GPATCH8: variants seen among roughly 807,000 people sequenced by gnomAD.
The protein encoded by GPATCH8 is G patch domain-containing protein 8.
A neutral mutation model predicts 118.3 loss-of-function variants in GPATCH8; 18 were observed. The observed-to-expected ratio is 0.15, with a 90% CI of 0.11 to 0.23. The LOEUF is 0.23. GPATCH8 is among the 10% of genes least tolerant of loss of function. GPATCH8 has a pLI of 1.00. For synonymous variants in GPATCH8, 659 were observed against 684.7 expected, an observed-to-expected ratio of 0.96 and a Z score of 0.59; for missense variants, 1,631 against 1,873.8, an observed-to-expected ratio of 0.87 and a Z score of 2.39.
intron 3 of GPATCH8, among the ~76,000 whole-genome samples, chr17:44,444,649 T>C (rs2050811598): frequency 6.6e-6 from 1 of 152,270 alleles, no homozygotes; most frequent in Non-Finnish European, 1.5e-5. Context: ...GGCATGTTCC[T>C]GTAATCCCAG....
intron 1 of GPATCH8, among the ~76,000 whole-genome samples, chr17:44,493,807 G>A (rs1471904952): frequency 6.6e-6 from 1 of 152,150 alleles, no homozygotes; most frequent in Non-Finnish European, 1.5e-5. Flanking sequence ...ATTTATCTGG[G>A]CCTCAGTTTC....
At chr17:44,446,864 T>C (rs2050903152) in intron 3 of GPATCH8, among the ~76,000 whole-genome samples, 1 of 152,058 alleles carries the variant, frequency 6.6e-6, no homozygotes, top group East Asian at 1.9e-4. Flanking sequence ...AGACTGAGTC[T>C]CACTCTGTCA....
At position 44,424,499 on chromosome 17, in the gene GPATCH8, G is replaced by T; in HGVS notation, c.349-7C>A. The T allele has an allele frequency of 6.2e-7, 1 of 1,601,460 alleles. No homozygotes were observed. Among genetic ancestry groups the T allele is most frequent in the Non-Finnish European group, 8.6e-7 (1 of 1,168,948 alleles). ...TCTCTTTGTCAACATAATCCTTCAA[G>T]ACCCATGAAATACAAAGAAACAAAA... On this transcript the variant is annotated splice_region_variant and splice_polypyrimidine_tract_variant and intron_variant, in intron 5 of 7. Coordinates refer to ENST00000591680, the MANE Select transcript of GPATCH8 (RefSeq NM_001002909.4).
At chr17:44,435,512 C>G (rs1274114597) in intron 4 of GPATCH8, among the ~76,000 whole-genome samples, 4 of 141,826 alleles carry the variant, frequency 2.8e-5, no homozygotes, top group Non-Finnish European at 4.5e-5. Flanking sequence ...CTCCCGAGTT[C>G]AAGTGATTCT....
chr17:44,401,468 A>C lies in GPATCH8; in HGVS notation c.624-15T>G. 2 of 1,557,880 alleles carry C rather than the reference A, an allele frequency of 1.3e-6. No homozygotes were observed. Among genetic ancestry groups the C allele is most frequent in the Non-Finnish European group, 1.8e-6 (2 of 1,128,510 alleles). On this transcript the variant is annotated splice_polypyrimidine_tract_variant and intron_variant, in intron 7 of 7. Transcript: ENST00000591680. ...TTCCAGGTGCACTACATGATGATTT[A>C]GAAAAATAAAAAACAAAAAGCAGGT... is the stretch of plus-strand genomic sequence containing the variant.
In GPATCH8 at chr17:44,398,739, T is replaced by C. The variant is rs532212633; in HGVS notation, c.3338A>G (p.Gln1113Arg). Residue 1113 changes from glutamine to arginine, a missense_variant, in exon 8 of 8, where the codon CAG becomes CGG. Coordinates refer to ENST00000591680, the MANE Select transcript of GPATCH8 (RefSeq NM_001002909.4). ...ERKPSVSEEV[Q>R]ATPNKAGPKL... ...GGGCCCAGCTTTATTAGGGGTGGCC[T>C]GCACCTCCTCACTCACACTAGGTTT... is the stretch of plus-strand genomic sequence containing the variant. 8.1e-6 allele frequency: 13 copies of C among 1,612,664 alleles called. No individual in the cohort carries two copies. Among genetic ancestry groups the C allele is most frequent in the Non-Finnish European group, 1.1e-5 (13 of 1,178,860 alleles).
chr17:44,454,689 CTG>C, intron 3 of GPATCH8, among the ~76,000 whole-genome samples: 1 of 152,270 alleles, frequency 6.6e-6, no homozygotes, highest in Non-Finnish European at 1.5e-5. Context: ...TCCCACAGTG[CTG>C]GGACTGCAGG....
intron 6 of GPATCH8, among the ~76,000 whole-genome samples, chr17:44,421,625 A>G (rs1475957152): frequency 6.6e-6 from 1 of 151,886 alleles, no homozygotes; most frequent in Admixed American, 6.6e-5. Context: ...CAGCTTCCCA[A>G]AGTGCTGGGA....
intron 5 of GPATCH8, among the ~76,000 whole-genome samples, chr17:44,428,914 G>A (rs769874429): frequency 1.3e-4 from 19 of 151,986 alleles, no homozygotes; most frequent in Non-Finnish European, 2.2e-4. Context: ...GGCCGAGGTG[G>A]GCGGTTCACG....
chr17:44,459,816 A>G (rs1295034012), intron 3 of GPATCH8, among the ~76,000 whole-genome samples: 1 of 152,178 alleles, frequency 6.6e-6, no homozygotes, highest in African/African-American at 2.4e-5. Flanking sequence ...GTCTTAGGGT[A>G]TTTACTGCTG....
intron 3 of GPATCH8, among the ~76,000 whole-genome samples, chr17:44,438,322 A>C (rs1172639037): frequency 6.6e-6 from 1 of 152,152 alleles, no homozygotes; most frequent in African/African-American, 2.4e-5. Context: ...CCTGTTTATA[A>C]ACTCTGCATT....
intron 3 of GPATCH8, among the ~76,000 whole-genome samples, chr17:44,463,900 G>C (rs751956024): frequency 3.3e-5 from 5 of 152,090 alleles, no homozygotes; most frequent in Non-Finnish European, 7.4e-5. Flanking sequence ...TCCAGACCTT[G>C]ATAGGAACCT....
At chr17:44,474,009 A>G (rs1967527081) in intron 2 of GPATCH8, among the ~76,000 whole-genome samples, 2 of 152,192 alleles carry the variant, frequency 1.3e-5, no homozygotes, top group Non-Finnish European at 2.9e-5. Flanking sequence ...ATGGTTATAA[A>G]GATTAAGATT....
intron 1 of GPATCH8, among the ~76,000 whole-genome samples, chr17:44,476,447 C>T (rs747124468): frequency 3.9e-5 from 6 of 152,132 alleles, no homozygotes; most frequent in Non-Finnish European, 7.4e-5. Flanking sequence ...TCAGGCAATC[C>T]GCCCACCTCA....
At chr17:44,421,623 C>G (rs961367377) in intron 6 of GPATCH8, among the ~76,000 whole-genome samples, 4 of 152,022 alleles carry the variant, frequency 2.6e-5, no homozygotes, top group African/African-American at 7.2e-5. Flanking sequence ...CTCAGCTTCC[C>G]AAAGTGCTGG....
intron 6 of GPATCH8, among the ~76,000 whole-genome samples, chr17:44,412,595 GC>G (rs2049484645): frequency 6.6e-6 from 1 of 151,974 alleles, no homozygotes; most frequent in South Asian, 2.1e-4. Context: ...TGTTGGCCAG[GC>G]TGGTCTTGAA....
At position 44,398,191 on chromosome 17, in the gene GPATCH8, C is replaced by T; in HGVS notation, c.3886G>A (p.Gly1296Arg). ...SGDPSIESTD[G>R]AEDASLAPLE... Reference sequence around the variant, plus strand: ...GGGGCCAGTGAAGCATCCTCAGCCCCATCTGTTGACTCAATACTAGGATCC... The same window carrying T: ...GGGGCCAGTGAAGCATCCTCAGCCCTATCTGTTGACTCAATACTAGGATCC... Residue 1296 changes from glycine (G) to arginine (R), a missense_variant, in exon 8 of 8, where the codon GGG (glycine) becomes AGG (arginine). Gly to Arg is a moderately radical substitution (Grantham distance 125). Around this residue, in one of 8 missense-constraint regions of GPATCH8, gnomAD observed 922 missense variants for 879.7 expected, o/e 1.05. Transcript: ENST00000591680. 2 of 1,613,632 alleles carry T rather than the reference C, an allele frequency of 1.2e-6. No homozygotes were observed. Among genetic ancestry groups the T allele is most frequent in the South Asian group, 1.1e-5 (1 of 91,060 alleles).
chr17:44,503,242 G>A lies in GPATCH8; in HGVS notation c.45+84C>T, dbSNP rs530985961. 20 of 1,267,110 alleles carry A rather than the reference G, an allele frequency of 1.6e-5. No homozygotes were observed. The African/African-American group carries it at 2.4e-4, about 15-fold the overall frequency. 78.5% of individuals were successfully genotyped at this position (1,267,110 alleles called of 1,614,324 possible). On this transcript the variant is annotated intron_variant, in intron 1 of 7. Transcript: ENST00000591680. Reference sequence around the variant, plus strand: ...TCGCAAGTCGGAGCAAAACTGGAAGGAAAGAGGGCTGGGAGCCGGAGATGA... The same window carrying A: ...TCGCAAGTCGGAGCAAAACTGGAAGAAAAGAGGGCTGGGAGCCGGAGATGA...
At chr17:44,458,459 GAGATATTAC>G (rs1315728920) in intron 3 of GPATCH8, among the ~76,000 whole-genome samples, 1 of 152,068 alleles carries the variant, frequency 6.6e-6, no homozygotes, top group African/African-American at 2.4e-5. Flanking sequence ...TGCCTATAAT[GAGATATTAC>G]AGATATTTTC....
Sources: allele counts gnomAD v4.1 joint callset (sites outside exome capture counted in the v4.1 genomes callset), GRCh38; gene constraint gnomAD v4.1.1; regional missense constraint gnomAD v4.1.1; transcripts MANE v1.5; gene names NCBI Gene and HGNC (gene_info 2026-07-23, HGNC 2026-07-21).